GABRB1: variants seen among roughly 807,000 people sequenced by gnomAD.
GABRB1 encodes gamma-aminobutyric acid type A receptor subunit beta1.
A neutral mutation model predicts 51.6 loss-of-function variants in GABRB1; 17 were observed. The observed-to-expected ratio is 0.33, with a 90% CI of 0.23 to 0.49. The LOEUF (loss-of-function observed/expected upper bound fraction) is 0.49. Among genes scored for constraint, GABRB1 ranks in the 20% least tolerant of loss-of-function variants. The probability of loss-of-function intolerance (pLI) is 0.99; values close to 1 mark genes in which losing one functional copy is unlikely to be tolerated. For synonymous variants in GABRB1, 247 were observed against 218.9 expected, an observed-to-expected ratio of 1.13 and a Z score of -1.14; for missense variants, 410 against 600.6, an observed-to-expected ratio of 0.68 and a Z score of 3.32.
chr4:47,147,521 C>T (rs763503158), intron 3 of GABRB1, among the ~76,000 whole-genome samples: 1 of 152,074 alleles, frequency 6.6e-6, no homozygotes, highest in Non-Finnish European at 1.5e-5. Context: ...AAGAGAATTA[C>T]GCCTTTGGGA....
chr4:47,229,235 GA>G (rs1721055830), intron 4 of GABRB1, among the ~76,000 whole-genome samples: 1 of 152,114 alleles, frequency 6.6e-6, no homozygotes, highest in Admixed American at 6.6e-5. Flanking sequence ...CATGTTTGCT[GA>G]AAGAAACTGA....
At chr4:47,343,424 T>C (rs530437113) in intron 5 of GABRB1, among the ~76,000 whole-genome samples, 27 of 152,334 alleles carry the variant, frequency 1.8e-4, no homozygotes, top group Admixed American at 9.8e-4. Flanking sequence ...ATGGAAATAT[T>C]GCCAGTAGAA....
intron 3 of GABRB1, among the ~76,000 whole-genome samples, chr4:47,082,430 A>G (rs977343894): frequency 3.1e-4 from 47 of 152,246 alleles, no homozygotes; most frequent in Non-Finnish European, 2.5e-4. Context: ...AAATTGTACT[A>G]GCTTCACACT....
intron 4 of GABRB1, among the ~76,000 whole-genome samples, chr4:47,240,391 C>T (rs187657438): frequency 6.6e-6 from 1 of 152,272 alleles, no homozygotes; most frequent in East Asian, 1.9e-4. Context: ...TCCAAATAGG[C>T]TGTATCTATA....
In GABRB1 at chr4:47,007,095, G is replaced by A. The variant is rs114304315; in HGVS notation, c.-20+13169G>A. Among the ~76,000 whole-genome samples the A allele has an allele frequency of 3.8e-3, 570 of 151,662 alleles. 2 individuals carry two copies. The highest frequency in any genetic ancestry group is 4.6e-3 in the Non-Finnish European group (314 of 67,970). ...GCCGAGGCTGTAGGGAGCCATGATC[G>A]TGCCACTGCACTCCAGTCTGAGTGA... On this transcript the variant is annotated intron_variant, in intron 1 of 3. Coordinates refer to the GABRB1 transcript ENST00000513567.
chr4:47,089,710 A>C (rs1231958828), intron 3 of GABRB1, among the ~76,000 whole-genome samples: 1 of 152,212 alleles, frequency 6.6e-6, no homozygotes, highest in African/African-American at 2.4e-5. Flanking sequence ...ATAATAAATG[A>C]TCAGATTTAT....
At chr4:47,051,848 GCTGGGTGA>G (rs752086726) in intron 3 of GABRB1, among the ~76,000 whole-genome samples, 22 of 152,250 alleles carry the variant, frequency 1.4e-4, no homozygotes, top group Non-Finnish European at 2.5e-4. Context: ...CATGATTAAG[GCTGGGTGA>G]CATGACTCAC....
intron 4 of GABRB1, among the ~76,000 whole-genome samples, chr4:47,315,876 G>T (rs910768039): frequency 8.6e-5 from 13 of 151,646 alleles, no homozygotes; most frequent in Non-Finnish European, 1.9e-4. Flanking sequence ...CAGTCACTGA[G>T]GCATACTTGA....
At chr4:47,153,954 T>C (rs1354741056) in intron 3 of GABRB1, among the ~76,000 whole-genome samples, 1 of 151,968 alleles carries the variant, frequency 6.6e-6, no homozygotes, top group Non-Finnish European at 1.5e-5. Context: ...ATGCATGTAT[T>C]TTAAAGGTAT....
intron 3 of GABRB1, among the ~76,000 whole-genome samples, chr4:47,109,557 G>T (rs919638174): frequency 6.6e-6 from 1 of 152,044 alleles, no homozygotes; most frequent in Admixed American, 6.6e-5. Context: ...AATAGAGACT[G>T]CAAGGGAGAC....
intron 1 of GABRB1, among the ~76,000 whole-genome samples, chr4:47,001,619 G>A (rs978422512): frequency 2.0e-5 from 3 of 152,162 alleles, no homozygotes; most frequent in Admixed American, 6.5e-5. Flanking sequence ...CCAGCAGATG[G>A]ACTTCAGATT....
chr4:47,192,526 T>C (rs1183832342), intron 4 of GABRB1, among the ~76,000 whole-genome samples: 3 of 152,210 alleles, frequency 2.0e-5, no homozygotes, highest in African/African-American at 4.8e-5. Flanking sequence ...TTAATTGTTA[T>C]ATCATTAATT....
At chr4:47,305,375 T>C (rs1348865215) in intron 4 of GABRB1, among the ~76,000 whole-genome samples, 4 of 152,140 alleles carry the variant, frequency 2.6e-5, no homozygotes, top group Non-Finnish European at 5.9e-5. Flanking sequence ...CATGAATATA[T>C]TTTTCAAGCA....
At chr4:47,341,312 T>C (rs1002233842) in intron 5 of GABRB1, among the ~76,000 whole-genome samples, 1 of 152,214 alleles carries the variant, frequency 6.6e-6, no homozygotes, top group Non-Finnish European at 1.5e-5. Flanking sequence ...TCTTGATTCA[T>C]TGTTTCGATC....
At chr4:47,293,154 T>C (rs1723817089) in intron 4 of GABRB1, among the ~76,000 whole-genome samples, 1 of 152,204 alleles carries the variant, frequency 6.6e-6, no homozygotes, top group Non-Finnish European at 1.5e-5. Context: ...GGTTTGTTTG[T>C]TTTTGAGATG....
At chr4:47,204,423 T>G (rs980918454) in intron 4 of GABRB1, among the ~76,000 whole-genome samples, 3 of 152,100 alleles carry the variant, frequency 2.0e-5, no homozygotes, top group African/African-American at 7.2e-5. Flanking sequence ...TAGGTTTGGG[T>G]AGTTTTACCC....
intron 3 of GABRB1, among the ~76,000 whole-genome samples, chr4:47,160,069 A>T (rs1005131507): frequency 6.6e-6 from 1 of 152,122 alleles, no homozygotes; most frequent in Non-Finnish European, 1.5e-5. Flanking sequence ...AAAAACAGAA[A>T]ATAACTAAAG....
chr4:47,328,739 G>A (rs535475094), intron 5 of GABRB1, among the ~76,000 whole-genome samples: 34 of 152,120 alleles, frequency 2.2e-4, no homozygotes, highest in African/African-American at 7.7e-4. Context: ...GACACAGGAA[G>A]GGGAACATCA....
chr4:47,322,290 A>T (rs1424919953), intron 5 of GABRB1, among the ~76,000 whole-genome samples: 4 of 152,182 alleles, frequency 2.6e-5, no homozygotes, highest in African/African-American at 7.2e-5. Flanking sequence ...AGACACTAAA[A>T]TAAGCTAATA....
Sources: gnomAD v4.1 joint callset for allele counts (sites outside exome capture counted in the v4.1 genomes callset) on GRCh38, gnomAD v4.1.1 for gene constraint, MANE v1.5 for transcripts, NCBI Gene and HGNC (gene_info 2026-07-23, HGNC 2026-07-21) for gene names.